AARSD1: variants seen among roughly 807,000 people sequenced by gnomAD.
AARSD1 encodes alanyl-tRNA synthetase domain containing 1.
A neutral mutation model predicts 48.7 loss-of-function variants in AARSD1; 44 were observed. That is an observed-to-expected ratio of 0.90 (90% CI 0.71 to 1.16). AARSD1 has a LOEUF of 1.16. Among genes scored for constraint, AARSD1 ranks in the 50% most tolerant of loss-of-function variants. AARSD1 has a pLI of 0.00. For synonymous variants in AARSD1, 189 were observed against 194.9 expected, an observed-to-expected ratio of 0.97 and a Z score of 0.25; for missense variants, 511 against 523.1, an observed-to-expected ratio of 0.98 and a Z score of 0.23.
In AARSD1 at chr17:42,964,107, T is replaced by C. The variant is rs2049677822; in HGVS notation, c.170A>G (p.Gln57Arg). 2 of 1,614,164 alleles carry C rather than the reference T, an allele frequency of 1.2e-6. No homozygotes were observed. Among genetic ancestry groups the C allele is most frequent in the South Asian group, 1.1e-5 (1 of 91,088 alleles). The change falls in exon 2 of 12, where the codon CAG becomes CGG. Residue 57 changes from glutamine (Q) to arginine (R), a missense_variant and splice_region_variant. Physicochemically the swap from Gln to Arg is conservative, Grantham distance 43 (BLOSUM62 1). Coordinates refer to ENST00000427569, the MANE Select transcript of AARSD1 (RefSeq NM_001261434.2). ...CCTGGGAAGAGATCGTTTTGGTACC[T>C]GTCCCCCGCCCTCAGGGAAAAGCAC... is the stretch of plus-strand genomic sequence containing the variant. Reference protein sequence around the residue: ...DTVLFPEGGGQPDDRGTINDI... With the variant: ...DTVLFPEGGGRPDDRGTINDI...
chr17:42,959,850 G>A (rs2049608658), intron 3 of AARSD1, among the ~76,000 whole-genome samples: 1 of 151,240 alleles, frequency 6.6e-6, no homozygotes. Flanking sequence ...TTTTAGTAGA[G>A]ACAGGGTTTC....
rs954339327 is a variant in AARSD1, at chr17:42,956,508, C to T, written c.442G>A (p.Ala148Thr). Reference protein sequence around the residue: ...AIELDTPSMTAEQVAAIEQSV... With the variant: ...AIELDTPSMTTEQVAAIEQSV... ...TGCTCAATGGCAGCTACTTGCTCTG[C>T]AGTCATAGAGGGGGTGTCCAGCTCA... Residue 148 changes from alanine to threonine, a missense_variant, in exon 5 of 12, where the codon GCA becomes ACA. Transcript: ENST00000427569. 1 of 1,613,934 alleles carries T rather than the reference C, an allele frequency of 6.2e-7. No homozygotes were observed.
At chr17:42,961,143 C>A in intron 3 of AARSD1, 49 bp downstream of exon 3, 1 of 1,569,380 alleles carries the variant, frequency 6.4e-7, no homozygotes, top group South Asian at 1.2e-5. Context: ...CACAGCATCC[C>A]CATACATGGC....
At chr17:42,956,615 G>C in intron 4 of AARSD1, 55 bp from the exon 5 acceptor site, 1 of 1,298,006 alleles carries the variant, frequency 7.7e-7, no homozygotes, top group East Asian at 3.3e-5. Context: ...AGAAAAAGCT[G>C]AAAGCTTTTC....
chr17:42,950,797 GA>G (rs1351709491), intron 11 of AARSD1, 69 bp from the exon 12 acceptor site: 31 of 1,548,294 alleles, frequency 2.0e-5, no homozygotes, highest in Admixed American at 1.6e-4. Context: ...GGGCAGCTCT[GA>G]GTCTTTTTCC....
At chr17:42,961,171 G>A (rs777240282) in intron 3 of AARSD1, 21 bp downstream of exon 3, 1 of 1,598,280 alleles carries the variant, frequency 6.3e-7, no homozygotes, top group South Asian at 1.1e-5. Context: ...CCGGTGTTAT[G>A]TCCCCCATCC....
chr17:42,956,327 T>C lies in AARSD1; in HGVS notation c.547-7A>G. 6.2e-7 allele frequency: 1 copy of C among 1,614,120 alleles called. No individual in the cohort carries two copies. Among genetic ancestry groups the C allele is most frequent in the South Asian group, 1.1e-5 (1 of 91,080 alleles). On this transcript the variant is annotated splice_polypyrimidine_tract_variant and splice_region_variant and intron_variant, in intron 5 of 11. Transcript: ENST00000427569. ...GCAAACCCCGGCCACTCACCTGGAC[T>C]CAAGGAGAGGGGAGGGACTGTCTGA...
rs1049297707 is a variant in AARSD1 at position 42,958,272 on chromosome 17, C to T, written c.332-1077G>A. ...ATCCCAGCACTTTGAGAGGCCAAGG[C>T]AAGTGGATCATGAGGTCAAGAGTTT... On this transcript the variant is annotated intron_variant, in intron 3 of 11. Transcript: ENST00000427569. Among the ~76,000 whole-genome samples, 4 of 152,066 alleles carry T rather than the reference C, an allele frequency of 2.6e-5. No individual in the cohort carries two copies. The South Asian group carries it at 8.3e-4, about 32-fold the overall frequency.
At chr17:42,955,433 G>C (rs1011918455) in intron 7 of AARSD1, 9 of 404,186 alleles carry the variant, frequency 2.2e-5, no homozygotes, top group Non-Finnish European at 3.1e-5. Context: ...CAAAGCACTT[G>C]ATCTTTTTTT....
chr17:42,958,182 G>A (rs2049584086), intron 3 of AARSD1, among the ~76,000 whole-genome samples: 1 of 152,070 alleles, frequency 6.6e-6, no homozygotes, highest in South Asian at 2.1e-4. Flanking sequence ...TTTAAGCAGA[G>A]GAGTGACATA....
intron 10 of AARSD1, among the ~76,000 whole-genome samples, chr17:42,952,587 T>C (rs2049493928): frequency 1.3e-5 from 2 of 152,054 alleles, no homozygotes; most frequent in Non-Finnish European, 2.9e-5. Context: ...GGAGGACTGC[T>C]TGAGCCCAGG....
intron 10 of AARSD1, among the ~76,000 whole-genome samples, chr17:42,952,675 AAAAC>A (rs568954502): frequency 1.2e-3 from 180 of 152,176 alleles, no homozygotes; most frequent in African/African-American, 3.0e-3. Context: ...GTCTCTGAAA[AAAAC>A]AAACAAACAA....
chr17:42,955,765 C>A (rs1277818489), intron 7 of AARSD1, 77 bp downstream of exon 7: 2 of 1,592,576 alleles, frequency 1.3e-6, no homozygotes, highest in African/African-American at 2.7e-5. Flanking sequence ...ACGATTGCAT[C>A]TTATCTCCCA....
At chr17:42,954,784 C>T in intron 9 of AARSD1, 92 bp downstream of exon 9, 1 of 1,364,000 alleles carries the variant, frequency 7.3e-7, no homozygotes. Flanking sequence ...AGTGAGCAAT[C>T]CACCTCCCAC....
rs1204596781 is a variant in AARSD1, at chr17:42,951,780, G to C, written c.1103+20C>G. The C allele has an allele frequency of 1.2e-6, 2 of 1,613,048 alleles. No individual in the cohort carries two copies. Among genetic ancestry groups the C allele is most frequent in the East Asian group, 2.2e-5 (1 of 44,880 alleles). On this transcript the variant is annotated intron_variant, in intron 11 of 11. Coordinates refer to ENST00000427569, the MANE Select transcript of AARSD1 (RefSeq NM_001261434.2). ...GATACAGGCTCTACTACATGTGCAA[G>C]AGAGTCCACAAAGAATTACCTGGGC...
intron 11 of AARSD1, 46 bp from the exon 12 acceptor site, chr17:42,950,774 C>T: frequency 1.3e-6 from 2 of 1,519,928 alleles, no homozygotes; most frequent in Non-Finnish European, 1.8e-6. Flanking sequence ...GGAAAAGTCA[C>T]AAAAAAAAAC....
At position 42,961,213 on chromosome 17, in the gene AARSD1, C is replaced by T; in HGVS notation, c.310G>A (p.Asp104Asn). ...TTACCTGAATGCTGCTGCATGTGGTCAAACCTCCGCTCCCAATCTACCCGG... is the reference window on the plus strand; with the variant it reads ...TTACCTGAATGCTGCTGCATGTGGTTAAACCTCCGCTCCCAATCTACCCGG... ...LVRVDWERRF[D>N]HMQQHSGQHL... Residue 104 changes from aspartate (D) to asparagine (N), a missense_variant, in exon 3 of 12, where the codon GAC (aspartate) becomes AAC (asparagine). Transcript: ENST00000427569. 1 of 1,613,268 alleles carries T rather than the reference C, an allele frequency of 6.2e-7. No individual in the cohort carries two copies. Among genetic ancestry groups the T allele is most frequent in the Non-Finnish European group, 8.5e-7 (1 of 1,179,470 alleles).
chr17:42,961,375 T>C (rs764057702), intron 2 of AARSD1, 24 bp from the exon 3 acceptor site: 1 of 1,613,578 alleles, frequency 6.2e-7, no homozygotes, highest in Non-Finnish European at 8.5e-7. Flanking sequence ...GTAAACGTAA[T>C]CAATGGCAAG....
At chr17:42,961,043 G>A (rs1597718041) in intron 3 of AARSD1, 149 bp downstream of exon 3, 11 of 1,297,690 alleles carry the variant, frequency 8.5e-6, no homozygotes, top group Non-Finnish European at 1.0e-5. Flanking sequence ...ATAACATTTA[G>A]GATATCCTTC....
Sources: gnomAD v4.1 joint callset for allele counts (sites outside exome capture counted in the v4.1 genomes callset) on GRCh38, gnomAD v4.1.1 for gene constraint, MANE v1.5 for transcripts, NCBI Gene and HGNC (gene_info 2026-07-23, HGNC 2026-07-21) for gene names.